The following BTBD9 variants were observed in gnomAD, a reference collection of about 807,000 sequenced individuals.
The protein encoded by BTBD9 is BTB/POZ domain-containing protein 9.
A neutral mutation model predicts 64.3 loss-of-function variants in BTBD9; 49 were observed. The ratio of observed to expected loss-of-function variants is 0.76; its 90% CI spans 0.61 to 0.97. The LOEUF (loss-of-function observed/expected upper bound fraction) is 0.97. Ranked by LOEUF, BTBD9 falls within the 50% of genes least tolerant of loss-of-function variation. BTBD9 has a pLI of 0.00. For synonymous variants in BTBD9, 260 were observed against 274.7 expected (o/e 0.95, Z 0.53); for missense variants, 598 against 762.1 (o/e 0.78, Z 2.53).
chr6:38,295,243 C>A lies in BTBD9; in HGVS notation c.1265-6782G>T, dbSNP rs115419669. ...GCAGTGGTACGATCACGGTTCACTA[C>A]AGCCTTGGACTCCCAGGCTCAAGCA... On this transcript the variant is annotated intron_variant, in intron 7 of 10. Transcript: ENST00000481247. 5.4e-3 allele frequency among the ~76,000 whole-genome samples: 816 copies of A among 152,290 alleles called. 5 individuals carry two copies. Among genetic ancestry groups the A allele is most frequent in the African/African-American group, 0.018 (756 of 41,562 alleles).
At chr6:38,406,016 G>A (rs540386468) in intron 6 of BTBD9, among the ~76,000 whole-genome samples, 22 of 152,184 alleles carry the variant, frequency 1.4e-4, no homozygotes, top group Non-Finnish European at 2.5e-4. Flanking sequence ...GAGCTATGAC[G>A]TCAGCAGAGA....
chr6:38,528,565 C>T (rs1305934081), intron 6 of BTBD9, among the ~76,000 whole-genome samples: 1 of 152,174 alleles, frequency 6.6e-6, no homozygotes, highest in East Asian at 1.9e-4. Context: ...AGTATTTTGT[C>T]TTAACATGGA....
At chr6:38,374,927 C>T (rs1013093165) in intron 6 of BTBD9, among the ~76,000 whole-genome samples, 32 of 152,206 alleles carry the variant, frequency 2.1e-4, no homozygotes, top group African/African-American at 7.7e-4. Flanking sequence ...AGTCACTAGG[C>T]GTAGCTGAGA....
intron 8 of BTBD9, among the ~76,000 whole-genome samples, chr6:38,264,186 T>C (rs1205204576): frequency 6.6e-6 from 1 of 151,908 alleles, no homozygotes; most frequent in African/African-American, 2.4e-5. Context: ...GAACAATCAG[T>C]GTAGTTTATA....
At chr6:38,564,029 A>G (rs903687215) in intron 6 of BTBD9, among the ~76,000 whole-genome samples, 14 of 151,360 alleles carry the variant, frequency 9.2e-5, no homozygotes, top group South Asian at 4.2e-4. Flanking sequence ...TGATCCGCCC[A>G]CCTCAGCCTC....
chr6:38,454,398 A>T (rs1461569412), intron 6 of BTBD9, among the ~76,000 whole-genome samples: 1 of 151,846 alleles, frequency 6.6e-6, no homozygotes, highest in Non-Finnish European at 1.5e-5. Context: ...AAATTTAAAG[A>T]CATCTTTTCA....
chr6:38,446,469 T>C (rs1024966703), intron 6 of BTBD9, among the ~76,000 whole-genome samples: 3 of 152,154 alleles, frequency 2.0e-5, no homozygotes, highest in Admixed American at 6.5e-5. Flanking sequence ...GACTGTGAGG[T>C]AGCTGTTCAC....
chr6:38,324,978 G>C (rs1763366624), intron 7 of BTBD9, among the ~76,000 whole-genome samples: 1 of 152,084 alleles, frequency 6.6e-6, no homozygotes, highest in Non-Finnish European at 1.5e-5. Flanking sequence ...TGTTGCAAGG[G>C]TTAAATGACT....
intron 7 of BTBD9, among the ~76,000 whole-genome samples, chr6:38,323,662 A>G (rs372087885): frequency 2.6e-4 from 40 of 152,352 alleles, no homozygotes; most frequent in Non-Finnish European, 4.4e-4. Context: ...TTTTGTACTT[A>G]TAGTAGGTTA....
At chr6:38,354,483 C>T (rs907646723) in intron 6 of BTBD9, among the ~76,000 whole-genome samples, 3 of 152,232 alleles carry the variant, frequency 2.0e-5, no homozygotes, top group East Asian at 1.9e-4. Context: ...GATTTCAAAG[C>T]TCGACAGAAC....
chr6:38,484,433 C>T (rs568561340), intron 6 of BTBD9, among the ~76,000 whole-genome samples: 3 of 152,174 alleles, frequency 2.0e-5, no homozygotes, highest in Non-Finnish European at 4.4e-5. Context: ...TAATCAGTTC[C>T]TGAAGAAGAA....
chr6:38,550,548 C>T (rs1454547152), intron 6 of BTBD9, among the ~76,000 whole-genome samples: 2 of 152,008 alleles, frequency 1.3e-5, no homozygotes, highest in African/African-American at 4.8e-5. Context: ...AATCTCCTGA[C>T]CTCATGATCT....
intron 1 of BTBD9, among the ~76,000 whole-genome samples, chr6:38,639,496 G>A (rs1037487857): frequency 1.3e-5 from 2 of 152,114 alleles, no homozygotes; most frequent in Non-Finnish European, 2.9e-5. Context: ...GAGACTGCTA[G>A]GGAACCTGGG....
intron 1 of BTBD9, among the ~76,000 whole-genome samples, chr6:38,636,238 C>T (rs1778521412): frequency 6.6e-6 from 1 of 152,194 alleles, no homozygotes; most frequent in Admixed American, 6.5e-5. Context: ...GACCTGCCAT[C>T]TTCCTAACTC....
intron 6 of BTBD9, among the ~76,000 whole-genome samples, chr6:38,428,227 TTGAAG>T (rs1768268663): frequency 6.6e-6 from 1 of 151,874 alleles, no homozygotes; most frequent in South Asian, 2.1e-4. Context: ...ACTGAGAAGT[TTGAAG>T]TGGTCACTCA....
intron 6 of BTBD9, among the ~76,000 whole-genome samples, chr6:38,430,304 CG>C (rs1768387137): frequency 6.8e-6 from 1 of 147,450 alleles, no homozygotes; most frequent in Admixed American, 6.7e-5. Flanking sequence ...ACTGAAGCTT[CG>C]AACTCCTGGG....
intron 9 of BTBD9, among the ~76,000 whole-genome samples, chr6:38,200,676 A>C (rs534604458): frequency 6.6e-6 from 1 of 152,200 alleles, no homozygotes; most frequent in Non-Finnish European, 1.5e-5. Context: ...GAAATGGATA[A>C]ACTCCTGGAA....
intron 7 of BTBD9, among the ~76,000 whole-genome samples, chr6:38,337,872 C>A (rs543078826): frequency 4.5e-4 from 69 of 152,260 alleles, no homozygotes; most frequent in Admixed American, 1.8e-3. Flanking sequence ...GTTCTGCCAA[C>A]AGAAGAGACT....
chr6:38,572,875 C>A (rs935095634), intron 6 of BTBD9, among the ~76,000 whole-genome samples: 18 of 151,278 alleles, frequency 1.2e-4, no homozygotes, highest in African/African-American at 4.4e-4. Context: ...AGCCAGAAAT[C>A]ATTTAAAAGA....
Sources: gnomAD v4.1 joint callset for allele counts (sites outside exome capture counted in the v4.1 genomes callset) on GRCh38, gnomAD v4.1.1 for gene constraint, MANE v1.5 for transcripts, NCBI Gene and HGNC (gene_info 2026-07-23, HGNC 2026-07-21) for gene names.